The following SYT1 variants were observed in gnomAD, a reference collection of about 807,000 sequenced individuals.
SYT1 encodes the protein synaptotagmin 1.
In SYT1, 8 loss-of-function variants were observed where a neutral mutation model predicts 44.8. The ratio of observed to expected loss-of-function variants is 0.18; its 90% confidence interval spans 0.10 to 0.32. The LOEUF is 0.32. SYT1 is among the 10% of genes least tolerant of loss of function. SYT1 has a pLI of 1.00. For synonymous variants in SYT1, 154 were observed against 188.8 expected (o/e 0.82, Z 1.51); for missense variants, 286 against 509.3 (o/e 0.56, Z 4.22).
At position 79,339,716 on chromosome 12, in the gene SYT1, T is replaced by G. The variant is rs369760868; in HGVS notation, c.811-13786T>G. On this transcript the variant is annotated intron_variant, in intron 8 of 10. Coordinates refer to ENST00000261205, the MANE Select transcript of SYT1 (RefSeq NM_005639.3). Reference sequence around the variant, plus strand: ...ATTTTGACTTTTGTTGTCATTGCTTTTGGTGTTTTAGTCATGAAGTCCTTG... The same window carrying G: ...ATTTTGACTTTTGTTGTCATTGCTTGTGGTGTTTTAGTCATGAAGTCCTTG... Among the ~76,000 whole-genome samples the G allele has an allele frequency of 2.6e-5, 4 of 152,330 alleles. No homozygotes were observed. The East Asian group carries it at 7.7e-4, about 29-fold the overall frequency.
intron 4 of SYT1, among the ~76,000 whole-genome samples, chr12:79,239,430 A>G (rs1212947048): frequency 6.6e-6 from 1 of 152,242 alleles, no homozygotes; most frequent in Admixed American, 6.5e-5. Flanking sequence ...AAAAACTCAG[A>G]AAATCTGAAT....
In SYT1 at chr12:78,925,425, G is replaced by T. The variant is rs1031079629; in HGVS notation, c.-216-52374G>T. On this transcript the variant is annotated intron_variant, in intron 1 of 10. Transcript: ENST00000261205. ...TCATATAGTTCAAAAGTTAACTGAG[G>T]TTCCCCCTAAGCTGTGTGGCCATGT... 6.6e-5 allele frequency among the ~76,000 whole-genome samples: 10 copies of T among 151,970 alleles called. No individual in the cohort carries two copies. In the East Asian group the frequency reaches 1.7e-3, roughly 26 times the overall value.
intron 4 of SYT1, among the ~76,000 whole-genome samples, chr12:79,220,909 G>C (rs1293008174): frequency 6.6e-6 from 1 of 152,122 alleles, no homozygotes. Flanking sequence ...TTCTGTAGCT[G>C]TTGGACAGAA....
At chr12:79,041,589 T>C (rs1454009973) in intron 2 of SYT1, among the ~76,000 whole-genome samples, 6 of 152,074 alleles carry the variant, frequency 3.9e-5, no homozygotes, top group Non-Finnish European at 8.8e-5. Flanking sequence ...GTTTGACTTC[T>C]TATTTTCCTA....
chr12:79,143,110 T>A (rs950024712), intron 3 of SYT1, among the ~76,000 whole-genome samples: 1 of 152,110 alleles, frequency 6.6e-6, no homozygotes, highest in African/African-American at 2.4e-5. Flanking sequence ...CAATATACAG[T>A]TTTCTCTGAT....
chr12:79,157,308 T>C (rs1327421036), intron 3 of SYT1, among the ~76,000 whole-genome samples: 1 of 152,168 alleles, frequency 6.6e-6, no homozygotes, highest in Non-Finnish European at 1.5e-5. Context: ...TGCAGGTGGC[T>C]GAAGTATGAC....
At chr12:79,312,768 C>T (rs1181352085) in intron 8 of SYT1, among the ~76,000 whole-genome samples, 6 of 120,798 alleles carry the variant, frequency 5.0e-5, no homozygotes, top group Non-Finnish European at 8.3e-5. Flanking sequence ...CAAGGGGCTG[C>T]ATTTTTTTTT....
chr12:79,042,592 A>G (rs1351544011), intron 2 of SYT1, among the ~76,000 whole-genome samples: 4 of 136,326 alleles, frequency 2.9e-5, no homozygotes, highest in Admixed American at 7.4e-5. Context: ...GGATTCATTA[A>G]TTTTTTGAAG....
intron 3 of SYT1, among the ~76,000 whole-genome samples, chr12:79,053,710 A>T (rs1225944339): frequency 6.6e-6 from 1 of 151,108 alleles, no homozygotes; most frequent in African/African-American, 2.4e-5. Flanking sequence ...ACAAACAATA[A>T]GTATTATTAC....
intron 4 of SYT1, among the ~76,000 whole-genome samples, chr12:79,244,798 T>C (rs1454065476): frequency 6.6e-6 from 1 of 152,180 alleles, no homozygotes; most frequent in African/African-American, 2.4e-5. Flanking sequence ...TAGTACATGT[T>C]GAGCTAGTGA....
chr12:79,119,827 T>G (rs1282853231), intron 3 of SYT1, among the ~76,000 whole-genome samples: 1 of 152,130 alleles, frequency 6.6e-6, no homozygotes, highest in Non-Finnish European at 1.5e-5. Context: ...GCTAAATTAC[T>G]TAAATAGCTT....
intron 9 of SYT1, among the ~76,000 whole-genome samples, chr12:79,441,487 G>A (rs886377307): frequency 1.3e-5 from 2 of 152,020 alleles, no homozygotes; most frequent in African/African-American, 2.4e-5. Flanking sequence ...GCTAATTTTT[G>A]TATTTTTGGT....
At chr12:78,915,108 AG>A (rs1468473949) in intron 1 of SYT1, among the ~76,000 whole-genome samples, 2 of 152,026 alleles carry the variant, frequency 1.3e-5, no homozygotes, top group Non-Finnish European at 2.9e-5. Flanking sequence ...GTCATCAGAG[AG>A]ATGCTTTAGG....
At chr12:78,866,145 T>C (rs866687314) in intron 1 of SYT1, among the ~76,000 whole-genome samples, 1 of 152,350 alleles carries the variant, frequency 6.6e-6, no homozygotes. Flanking sequence ...ATAAAGCAAC[T>C]GTTTAACTTT....
Position 78,962,937 on chromosome 12 carries a change from T to G in SYT1, c.-216-14862T>G, listed in dbSNP as rs577603148. On this transcript the variant is annotated intron_variant, in intron 1 of 10. Transcript: ENST00000261205. ...TTAATTCATCTTCATAAACTGAAAC[T>G]TCATACCAATTGAACAACTCCCCAG... 4.6e-5 allele frequency among the ~76,000 whole-genome samples: 7 copies of G among 152,270 alleles called. No individual in the cohort carries two copies. In the South Asian group the frequency reaches 8.3e-4, roughly 18 times the overall value.
At chr12:78,945,787 C>A (rs1456257400) in intron 1 of SYT1, among the ~76,000 whole-genome samples, 2 of 152,112 alleles carry the variant, frequency 1.3e-5, no homozygotes, top group East Asian at 3.9e-4. Context: ...GTGCCCGGTC[C>A]ACCCTTATTC....
At chr12:79,013,987 A>T (rs1015302002) in intron 2 of SYT1, among the ~76,000 whole-genome samples, 2 of 147,546 alleles carry the variant, frequency 1.4e-5, no homozygotes, top group Non-Finnish European at 3.0e-5. Context: ...TTAGCTGGGC[A>T]TGGTGGTGGG....
chr12:78,907,124 T>G (rs1403242200), intron 1 of SYT1, among the ~76,000 whole-genome samples: 1 of 152,066 alleles, frequency 6.6e-6, no homozygotes, highest in Non-Finnish European at 1.5e-5. Context: ...TACATTACCT[T>G]ATAAAATCAC....
intron 1 of SYT1, among the ~76,000 whole-genome samples, chr12:78,977,313 A>G (rs1391631388): frequency 1.3e-5 from 2 of 152,180 alleles, no homozygotes; most frequent in Non-Finnish European, 2.9e-5. Flanking sequence ...AGAGATTCAC[A>G]AATCAAAATA....
Sources: allele counts gnomAD v4.1 joint callset (sites outside exome capture counted in the v4.1 genomes callset), GRCh38; gene constraint gnomAD v4.1.1; transcripts MANE v1.5; gene names NCBI Gene and HGNC (gene_info 2026-07-23, HGNC 2026-07-21).